Variants in JAK1 observed in about 807,000 individuals in gnomAD.
The protein encoded by JAK1 is tyrosine-protein kinase JAK1.
JAK1 carries 16 observed loss-of-function variants against 136.6 expected under a neutral mutation model. That is an observed-to-expected ratio of 0.12 (90% confidence interval 0.08 to 0.18). JAK1 has a LOEUF of 0.18. JAK1 is among the 10% of genes least tolerant of loss of function. JAK1 has a pLI of 1.00. For missense variants in JAK1, 859 were observed against 1,450.1 expected, an observed-to-expected ratio of 0.59 and a Z score of 6.62; for synonymous variants, 492 against 519.5, an observed-to-expected ratio of 0.95 and a Z score of 0.72.
At position 64,855,594 on chromosome 1, in the gene JAK1, G is replaced by A. The variant is rs1403736835; in HGVS notation, c.1563C>T (p.Asp521=). 23 of 1,614,046 alleles carry A rather than the reference G, an allele frequency of 1.4e-5. No homozygotes were observed. The highest frequency in any genetic ancestry group is 1.9e-5 in the Non-Finnish European group (22 of 1,180,034). Residue 521 remains aspartate (D), a synonymous_variant, in exon 11 of 25, where the codon GAC becomes GAT. Coordinates refer to ENST00000342505, the MANE Select transcript of JAK1 (RefSeq NM_002227.4). The part of the protein sequence containing the change: ...GSDRSFPSLG[D]LMSHLKKQIL... ...TCTGCTTCTTGAGGTGGCTCATGAG[G>A]TCTCCCAAGCTGGGGAAGCTGCGGT...
intron 2 of JAK1, among the ~76,000 whole-genome samples, chr1:65,015,925 A>G (rs1431548901): frequency 6.6e-6 from 1 of 152,218 alleles, no homozygotes; most frequent in Non-Finnish European, 1.5e-5. Context: ...ATTATTTACA[A>G]TGGTCAAAAG....
At chr1:65,013,782 T>C (rs1646870050) in intron 2 of JAK1, among the ~76,000 whole-genome samples, 2 of 152,048 alleles carry the variant, frequency 1.3e-5, no homozygotes, top group African/African-American at 2.4e-5. Context: ...GCATACATAA[T>C]AAGCATCACG....
chr1:64,991,276 C>G (rs1326010503), intron 2 of JAK1: 1 of 152,108 alleles, frequency 6.6e-6, no homozygotes, highest in African/African-American at 2.4e-5. Flanking sequence ...GTGGCTTGAA[C>G]AACAAAAATA....
At chr1:65,053,331 C>A (rs1167361754) in intron 1 of JAK1, among the ~76,000 whole-genome samples, 2 of 152,014 alleles carry the variant, frequency 1.3e-5, no homozygotes. Flanking sequence ...GGCGACAGAG[C>A]AAGACTCCGC....
At chr1:64,853,715 G>C (rs904228654) in intron 11 of JAK1, among the ~76,000 whole-genome samples, 1 of 151,418 alleles carries the variant, frequency 6.6e-6, no homozygotes, top group African/African-American at 2.4e-5. Flanking sequence ...AAATGAGGTA[G>C]GTACATAAAC....
At chr1:65,021,472 G>A (rs1646936381) in intron 2 of JAK1, among the ~76,000 whole-genome samples, 1 of 152,120 alleles carries the variant, frequency 6.6e-6, no homozygotes, top group Admixed American at 6.6e-5. Flanking sequence ...TAGTAAAGAT[G>A]CTTTTGCCTA....
intron 1 of JAK1, among the ~76,000 whole-genome samples, chr1:64,886,779 CACACACACACACAG>C (rs879668513): frequency 3.8e-4 from 56 of 147,936 alleles, no homozygotes; most frequent in Admixed American, 4.7e-4. Flanking sequence ...CACACACACA[CACACACACACACAG>C]AGCTTTGTAT....
At chr1:64,904,429 G>A (rs1645160753) in intron 1 of JAK1, among the ~76,000 whole-genome samples, 1 of 152,162 alleles carries the variant, frequency 6.6e-6, no homozygotes, top group Non-Finnish European at 1.5e-5. Flanking sequence ...GAAAAAATTG[G>A]AGAAACACTG....
At chr1:65,064,577 ACT>A (rs1482564142) in intron 1 of JAK1, among the ~76,000 whole-genome samples, 1 of 152,240 alleles carries the variant, frequency 6.6e-6, no homozygotes, top group Non-Finnish European at 1.5e-5. Context: ...GAATGGAGAC[ACT>A]GAGTGAGATT....
At chr1:64,846,539 G>T in intron 14 of JAK1, 110 bp downstream of exon 14, 1 of 760,494 alleles carries the variant, frequency 1.3e-6, no homozygotes. Context: ...ACTGCAAAAA[G>T]AAAGGCAAGA....
intron 2 of JAK1, among the ~76,000 whole-genome samples, chr1:65,038,686 T>G (rs960305829): frequency 2.0e-5 from 3 of 152,070 alleles, no homozygotes; most frequent in Non-Finnish European, 2.9e-5. Context: ...TCACCCAGGC[T>G]GGAGTGCATT....
At chr1:64,994,683 T>C (rs1430945367) in intron 2 of JAK1, among the ~76,000 whole-genome samples, 1 of 152,168 alleles carries the variant, frequency 6.6e-6, no homozygotes, top group African/African-American at 2.4e-5. Context: ...ACATGCTTTT[T>C]TGGGGCACAC....
chr1:64,914,508 G>A (rs1348289494), intron 1 of JAK1, among the ~76,000 whole-genome samples: 2 of 152,220 alleles, frequency 1.3e-5, no homozygotes, highest in Non-Finnish European at 2.9e-5. Flanking sequence ...ATCCAAGGCT[G>A]ACCTCTTTTA....
chr1:65,050,592 C>T (rs1647257163), intron 1 of JAK1, among the ~76,000 whole-genome samples: 1 of 152,142 alleles, frequency 6.6e-6, no homozygotes, highest in Middle Eastern at 3.2e-3. Flanking sequence ...GAGGAGAAGC[C>T]ACTAGAGTGT....
At chr1:64,909,343 G>A (rs952930420) in intron 1 of JAK1, among the ~76,000 whole-genome samples, 2 of 152,134 alleles carry the variant, frequency 1.3e-5, no homozygotes, top group Non-Finnish European at 2.9e-5. Flanking sequence ...AGGTGGGGGC[G>A]AAATAGCGTT....
intron 2 of JAK1, among the ~76,000 whole-genome samples, chr1:65,020,225 C>CAAAAA (rs375362876): frequency 7.9e-5 from 4 of 50,782 alleles, no homozygotes; most frequent in Admixed American, 4.2e-4. Flanking sequence ...AACTCCGTCT[C>CAAAAA]AAAAAAAAAA....
At chr1:64,894,715 TG>T (rs902722492) in intron 1 of JAK1, among the ~76,000 whole-genome samples, 5 of 151,840 alleles carry the variant, frequency 3.3e-5, no homozygotes, top group African/African-American at 1.2e-4. Flanking sequence ...AGGCAGAGGG[TG>T]CAGAGAGCAA....
chr1:64,940,472 A>G (rs1645870044), intron 1 of JAK1, among the ~76,000 whole-genome samples: 1 of 151,966 alleles, frequency 6.6e-6, no homozygotes, highest in Non-Finnish European at 1.5e-5. Context: ...GTGTGCCACC[A>G]CACCTGGCTA....
intron 1 of JAK1, among the ~76,000 whole-genome samples, chr1:64,902,727 G>A (rs894370596): frequency 6.6e-6 from 1 of 151,992 alleles, no homozygotes. Context: ...AGTCAGAAGA[G>A]GGGAGTGAAT....
Sources: gnomAD v4.1 joint callset for allele counts (sites outside exome capture counted in the v4.1 genomes callset) on GRCh38, gnomAD v4.1.1 for gene constraint, MANE v1.5 for transcripts, NCBI Gene and HGNC (gene_info 2026-07-23, HGNC 2026-07-21) for gene names.